BMPR1A: variants seen among roughly 807,000 people sequenced by gnomAD.
BMPR1A encodes the protein bone morphogenetic protein receptor type-1A.
Under a neutral mutation model 66.0 loss-of-function variants are expected in BMPR1A, and 7 were observed. The observed-to-expected ratio is 0.11, with a 90% CI of 0.06 to 0.20. The LOEUF (loss-of-function observed/expected upper bound fraction) is 0.20. Among genes scored for constraint, BMPR1A ranks in the 10% least tolerant of loss-of-function variants. BMPR1A has a pLI of 1.00. For missense variants in BMPR1A, 408 were observed against 669.1 expected, an observed-to-expected ratio of 0.61 and a Z score of 4.31; for synonymous variants, 200 against 229.7, an observed-to-expected ratio of 0.87 and a Z score of 1.17.
rs187281596 is a variant in BMPR1A, at chr10:86,902,047, C to T, written c.530+1921C>T. 1.5e-3 allele frequency among the ~76,000 whole-genome samples: 231 copies of T among 151,960 alleles called. 1 individual carries two copies. Among genetic ancestry groups the T allele is most frequent in the South Asian group, 0.011 (54 of 4,816 alleles). On this transcript the variant is annotated intron_variant, in intron 7 of 12. Transcript: ENST00000372037. ...CTAATTTTTGTATTTTTAGTAAAGA[C>T]GGGGGTTTCACCATGTTGACCAGGC...
At chr10:86,898,038 A>G (rs747871263) in intron 5 of BMPR1A, among the ~76,000 whole-genome samples, 2 of 152,058 alleles carry the variant, frequency 1.3e-5, no homozygotes, top group African/African-American at 2.4e-5. Context: ...ATTTTCTGTA[A>G]TACTATGCTC....
At chr10:86,865,569 G>C (rs1022691910) in intron 2 of BMPR1A, among the ~76,000 whole-genome samples, 24 of 152,198 alleles carry the variant, frequency 1.6e-4, no homozygotes, top group Non-Finnish European at 2.9e-4. Context: ...CACAAAGCCT[G>C]TTTAGTGGTC....
intron 2 of BMPR1A, chr10:86,854,757 C>A: frequency 4.2e-6 from 1 of 240,754 alleles, no homozygotes. Context: ...ATAAAACTCC[C>A]TGATCCTCAG....
intron 1 of BMPR1A, among the ~76,000 whole-genome samples, chr10:86,766,995 T>G (rs190549452): frequency 2.6e-4 from 40 of 152,256 alleles, no homozygotes; most frequent in Admixed American, 8.5e-4. Flanking sequence ...AGCTAATTTT[T>G]GTATTTTTAG....
rs191272009 is a variant in BMPR1A at position 86,859,951 on chromosome 10, G to A, written c.-152-15916G>A. Among the ~76,000 whole-genome samples the A allele has an allele frequency of 1.0e-3, 153 of 152,230 alleles. 1 individual carries two copies. The Middle Eastern group carries it at 0.017, about 17-fold the overall frequency. On this transcript the variant is annotated intron_variant, in intron 2 of 12. Coordinates refer to ENST00000372037, the MANE Select transcript of BMPR1A (RefSeq NM_004329.3). ...TTTATCAGCCCAAACAACAACAAAA[G>A]CATCTCTTCAAGTTTATTTATTGCC...
rs910494256 is a variant in BMPR1A at position 86,792,522 on chromosome 10, G to A, written c.-268+35603G>A. On this transcript the variant is annotated intron_variant, in intron 1 of 12. Transcript: ENST00000372037. The stretch of plus-strand genomic sequence containing the variant: ...CATTTAAACATCAGACAGGCTGGGT[G>A]CAGTGGCTCAAACCTGTAATCCCAT... Among the ~76,000 whole-genome samples the A allele has an allele frequency of 3.9e-5, 6 of 152,326 alleles. No homozygotes were observed. In the East Asian group the frequency reaches 1.2e-3, roughly 29 times the overall value.
rs146844461 is a variant in BMPR1A, at chr10:86,916,942, G to A, written c.676-192G>A. 2.2e-3 allele frequency among the ~76,000 whole-genome samples: 341 copies of A among 151,878 alleles called. 2 individuals carry two copies. The highest frequency in any genetic ancestry group is 7.8e-3 in the African/African-American group (322 of 41,422). On this transcript the variant is annotated intron_variant, in intron 8 of 12. Transcript: ENST00000372037. ...TAAAAGGTGAAGGTTGCAGTGAGCC[G>A]AGATCGCGCCACTGCACTCCATCCT...
In BMPR1A at chr10:86,914,002, AC is replaced by A. The variant is rs151088847; in HGVS notation, c.675+1620del. On this transcript the variant is annotated intron_variant, in intron 8 of 12. Coordinates refer to ENST00000372037, the MANE Select transcript of BMPR1A (RefSeq NM_004329.3). ...GAATCACTACCTGATTTCTGGACTT[AC>A]CGTAAAACTCAATAATGATCTCAAT... 5.5e-3 allele frequency among the ~76,000 whole-genome samples: 842 copies of A among 152,310 alleles called. 7 individuals are homozygous for A. The highest frequency in any genetic ancestry group is 0.019 in the African/African-American group (796 of 41,574).
intron 1 of BMPR1A, among the ~76,000 whole-genome samples, chr10:86,775,006 C>A (rs997958247): frequency 6.6e-6 from 1 of 152,322 alleles, no homozygotes; most frequent in Admixed American, 6.5e-5. Context: ...ATACTAAGTT[C>A]ATTTTTAGTG....
intron 7 of BMPR1A, among the ~76,000 whole-genome samples, chr10:86,901,883 G>A (rs1430167188): frequency 7.0e-6 from 1 of 142,070 alleles, no homozygotes; most frequent in Non-Finnish European, 1.5e-5. Context: ...TATTTATTTA[G>A]AAATAGAGTC....
intron 1 of BMPR1A, among the ~76,000 whole-genome samples, chr10:86,787,670 T>TA (rs1244170811): frequency 6.6e-6 from 1 of 152,082 alleles, no homozygotes; most frequent in East Asian, 1.9e-4. Flanking sequence ...GGGTAGTTTA[T>TA]AAAGAAAAGA....
intron 1 of BMPR1A, among the ~76,000 whole-genome samples, chr10:86,774,656 A>G (rs917348233): frequency 3.3e-5 from 5 of 152,230 alleles, no homozygotes; most frequent in African/African-American, 1.2e-4. Flanking sequence ...AACAATTTCT[A>G]TTCTCACTTA....
chr10:86,856,236 C>T, intron 2 of BMPR1A: 2 of 522,762 alleles, frequency 3.8e-6, no homozygotes, highest in South Asian at 2.8e-5. Context: ...AATGAACTTC[C>T]CCTTTTAGAA....
chr10:86,887,986 A>G (rs913453846), intron 3 of BMPR1A, among the ~76,000 whole-genome samples: 5 of 152,098 alleles, frequency 3.3e-5, no homozygotes, highest in Non-Finnish European at 7.4e-5. Context: ...CCCCCACCCC[A>G]TCTTTTACAG....
At chr10:86,893,446 A>T (rs74153422) in intron 5 of BMPR1A, among the ~76,000 whole-genome samples, 1 of 152,190 alleles carries the variant, frequency 6.6e-6, no homozygotes, top group African/African-American at 2.4e-5. Context: ...TTGTTTGTGC[A>T]TAATTTAAGT....
intron 1 of BMPR1A, among the ~76,000 whole-genome samples, chr10:86,778,271 T>C (rs1318675067): frequency 6.6e-6 from 1 of 151,896 alleles, no homozygotes; most frequent in African/African-American, 2.4e-5. Context: ...CATTAGTGGA[T>C]TTTCTTGTTG....
intron 3 of BMPR1A, among the ~76,000 whole-genome samples, chr10:86,878,053 C>A (rs1842942297): frequency 6.6e-6 from 1 of 152,108 alleles, no homozygotes; most frequent in Non-Finnish European, 1.5e-5. Context: ...AAATAACACA[C>A]AAATGTTTGC....
intron 2 of BMPR1A, among the ~76,000 whole-genome samples, chr10:86,850,502 A>C (rs1842552246): frequency 6.6e-6 from 1 of 152,172 alleles, no homozygotes; most frequent in African/African-American, 2.4e-5. Context: ...GGGATTCTGC[A>C]TTTCTAGCCA....
chr10:86,923,104 G>A (rs888754579), intron 11 of BMPR1A, among the ~76,000 whole-genome samples: 35 of 152,096 alleles, frequency 2.3e-4, no homozygotes, highest in Admixed American at 4.6e-4. Context: ...GGCTGATTTC[G>A]CCTTGCTTAT....
Sources: gnomAD v4.1 joint callset for allele counts (sites outside exome capture counted in the v4.1 genomes callset) on GRCh38, gnomAD v4.1.1 for gene constraint, MANE v1.5 for transcripts, NCBI Gene and HGNC (gene_info 2026-07-23, HGNC 2026-07-21) for gene names.